Variants in SLC6A20 observed in about 807,000 individuals in gnomAD.
The protein encoded by SLC6A20 is sodium- and chloride-dependent transporter XTRP3.
In SLC6A20, 73 loss-of-function variants were observed where a neutral mutation model predicts 64.3. The ratio of observed to expected loss-of-function variants is 1.14; its 90% CI spans 0.94 to 1.38. SLC6A20 has a LOEUF of 1.38. Among genes scored for constraint, SLC6A20 ranks in the 40% most tolerant of loss-of-function variants. The pLI is 0.00. For synonymous variants in SLC6A20, 347 were observed against 329.6 expected (o/e 1.05, Z -0.57); for missense variants, 725 against 772.8 (o/e 0.94, Z 0.73).
intron 1 of SLC6A20, among the ~76,000 whole-genome samples, chr3:45,793,957 G>A (rs1700299945): frequency 6.6e-6 from 1 of 152,154 alleles, no homozygotes; most frequent in African/African-American, 2.4e-5. Context: ...CTAATACCTT[G>A]CTCATTCACT....
intron 8 of SLC6A20, among the ~76,000 whole-genome samples, chr3:45,764,227 T>C (rs1699731882): frequency 6.6e-6 from 1 of 152,178 alleles, no homozygotes; most frequent in African/African-American, 2.4e-5. Context: ...ATCTGAAATG[T>C]CCATCAACAG....
chr3:45,782,730 T>C (rs1271062335), intron 1 of SLC6A20, among the ~76,000 whole-genome samples: 2 of 152,212 alleles, frequency 1.3e-5, no homozygotes, highest in Non-Finnish European at 2.9e-5. Flanking sequence ...CATCCTTTCA[T>C]CTTTTTATCT....
In SLC6A20 at chr3:45,763,062, G is replaced by A; in HGVS notation, c.1314C>T (p.Cys438=). ...CCATGCCAATGGCACAGTTGACAAG[G>A]CACACCAGACCTGGGGGCCACAAGA... The part of the protein sequence containing the change: ...LPKEAISGLV[C]LVNCAIGMVF... The change falls in exon 9 of 11, where the codon TGC becomes TGT. Residue 438 remains cysteine, a synonymous_variant. Transcript: ENST00000358525. 6.2e-7 allele frequency: 1 copy of A among 1,614,030 alleles called. No homozygotes were observed. The highest frequency in any genetic ancestry group is 8.5e-7 in the Non-Finnish European group (1 of 1,180,030).
At chr3:45,772,478 G>T (rs939186852) in intron 5 of SLC6A20, 27 bp downstream of exon 5, 8 of 1,593,804 alleles carry the variant, frequency 5.0e-6, no homozygotes, top group Non-Finnish European at 6.9e-6. Flanking sequence ...AGGGGTGCCC[G>T]TAGGGCCCTT....
Position 45,775,873 on chromosome 3 carries a change from G to A in SLC6A20, c.470C>T (p.Ser157Leu), listed in dbSNP as rs764972934. Residue 157 changes from serine (S) to leucine (L), a missense_variant, in exon 4 of 11, where the codon TCG becomes TTG. By Grantham distance (145) the Ser-to-Leu change is moderately radical (BLOSUM62 -2). Coordinates refer to ENST00000358525, the MANE Select transcript of SLC6A20 (RefSeq NM_020208.4). ...YFWYRKTLNI[S>L]PSLQENGGVQ... ...ACCCCCGTTCTCCTGGAGGGACGGC[G>A]AGATATTGAGGGTTTTCCTGTACCA... The A allele has an allele frequency of 3.7e-6, 6 of 1,614,078 alleles. No homozygotes were observed. The highest frequency in any genetic ancestry group is 1.7e-5 in the Admixed American group (1 of 59,998).
rs185785604 is a variant in SLC6A20 at position 45,770,711 on chromosome 3, G to C, written c.936-340C>G. ...CTGAGCACTTAATGGTGGACACTGA[G>C]CAACTGATTGAAAGTAACAAGGGAA... On this transcript the variant is annotated intron_variant, in intron 6 of 10. Transcript: ENST00000358525. Among the ~76,000 whole-genome samples, 374 of 152,334 alleles carry C rather than the reference G, an allele frequency of 2.5e-3. 2 individuals are homozygous for C. Among genetic ancestry groups the C allele is most frequent in the African/African-American group, 8.5e-3 (352 of 41,578 alleles).
chr3:45,762,093 C>T (rs2191028), intron 9 of SLC6A20, among the ~76,000 whole-genome samples: 49,159 of 152,088 alleles, frequency 0.32, 8,235 homozygotes, highest in Middle Eastern at 0.41. Flanking sequence ...TGTGATGTGC[C>T]TCAGGCCCCC....
At chr3:45,794,921 A>G (rs1043576368) in intron 1 of SLC6A20, among the ~76,000 whole-genome samples, 3 of 152,188 alleles carry the variant, frequency 2.0e-5, no homozygotes, top group Non-Finnish European at 4.4e-5. Flanking sequence ...TTCAAATTTT[A>G]AAAAGGAATC....
Position 45,775,839 on chromosome 3 carries a change from C to T in SLC6A20, c.504G>A (p.Trp168Ter), listed in dbSNP as rs1450840710. The stretch of plus-strand genomic sequence containing the variant: ...CCAGGAGGAGGCACAGCGCCGGCTC[C>T]CACTGCACACCCCCGTTCTCCTGGA... ...PSLQENGGVQ[W>*]EPALCLLLAW... Residue 168 changes from tryptophan to a stop codon, truncating the protein, a stop_gained, in exon 4 of 11, where the codon TGG (tryptophan) becomes TGA (stop). Transcript: ENST00000358525. LOFTEE classifies it high-confidence loss of function. 1 of 1,614,088 alleles carries T rather than the reference C, an allele frequency of 6.2e-7. No individual in the cohort carries two copies.
intron 1 of SLC6A20, among the ~76,000 whole-genome samples, chr3:45,787,474 C>A (rs1575437157): frequency 6.6e-6 from 1 of 152,154 alleles, no homozygotes; most frequent in Admixed American, 6.5e-5. Flanking sequence ...TACTTGGTGT[C>A]TGCCTCTCTA....
At chr3:45,796,041 A>G (rs934863187) in intron 1 of SLC6A20, among the ~76,000 whole-genome samples, 8 of 152,090 alleles carry the variant, frequency 5.3e-5, no homozygotes, top group Non-Finnish European at 1.2e-4. Flanking sequence ...CTGGCCAACA[A>G]GGGTGAGGGT....
intron 3 of SLC6A20, among the ~76,000 whole-genome samples, chr3:45,777,770 A>G (rs955726541): frequency 6.6e-6 from 1 of 152,130 alleles, no homozygotes; most frequent in African/African-American, 2.4e-5. Flanking sequence ...CCCTTGGGCC[A>G]TTTACAGCCT....
Position 45,764,001 on chromosome 3 carries a change from G to A in SLC6A20, c.1304-929C>T, listed in dbSNP as rs942107921. Among the ~76,000 whole-genome samples, 8 of 152,338 alleles carry A rather than the reference G, an allele frequency of 5.3e-5. No individual in the cohort carries two copies. In the South Asian group the frequency reaches 1.7e-3, roughly 32 times the overall value. On this transcript the variant is annotated intron_variant, in intron 8 of 10. Transcript: ENST00000358525. ...GGTCTAAGTGCTGCAGCACTCTGAA[G>A]AGGTGGGGGCAACTCCAACTGGAGT...
chr3:45,780,045 G>A lies in SLC6A20; in HGVS notation c.318C>T (p.Asn106=), dbSNP rs145298212. ...GGAAGAGGTACCAGAAGGCCCAGGC[G>A]TTGATGACGTTGTAGTACATGGAGA... ...FFLSMYYNVI[N]AWAFWYLFHS... The change falls in exon 3 of 11, where the codon AAC becomes AAT. Residue 106 remains asparagine, a synonymous_variant. Transcript: ENST00000358525. 5.6e-5 allele frequency: 90 copies of A among 1,604,928 alleles called. No homozygotes were observed. Among genetic ancestry groups the A allele is most frequent in the African/African-American group, 2.9e-4 (22 of 74,790 alleles).
intron 6 of SLC6A20, among the ~76,000 whole-genome samples, 181 bp from the exon 7 acceptor site, chr3:45,770,552 C>T (rs1010275774): frequency 6.6e-6 from 1 of 152,130 alleles, no homozygotes; most frequent in Non-Finnish European, 1.5e-5. Context: ...ACAGTGATGA[C>T]AACAGGCACC....
chr3:45,759,235 T>C lies in SLC6A20; in HGVS notation c.1630-108A>G, dbSNP rs369904515. The C allele has an allele frequency of 5.4e-5, 66 of 1,218,430 alleles. No homozygotes were observed. The East Asian group carries it at 1.1e-3, about 20-fold the overall frequency. The allele number at this position is 1,218,430 out of a possible 1,614,324, so 75.5% of individuals were successfully genotyped here. ...TGATGTGACGTGGGCAGAGAGCATGTGGGGCCGGTGTCCTCACTCCTGGGG... is the reference window on the plus strand; with the variant it reads ...TGATGTGACGTGGGCAGAGAGCATGCGGGGCCGGTGTCCTCACTCCTGGGG... On this transcript the variant is annotated intron_variant, in intron 10 of 10. Transcript: ENST00000358525.
chr3:45,761,374 G>A (rs931108487), intron 9 of SLC6A20, among the ~76,000 whole-genome samples: 2 of 152,058 alleles, frequency 1.3e-5, no homozygotes, highest in African/African-American at 2.4e-5. Flanking sequence ...GTCCACCTAC[G>A]ACATCTCCAA....
intron 1 of SLC6A20, among the ~76,000 whole-genome samples, chr3:45,795,258 G>C (rs911028142): frequency 4.6e-5 from 7 of 152,108 alleles, no homozygotes; most frequent in African/African-American, 1.7e-4. Context: ...GTTTTAAAAT[G>C]TCAAATCCAT....
intron 1 of SLC6A20, among the ~76,000 whole-genome samples, chr3:45,795,912 A>G (rs762265263): frequency 1.3e-5 from 2 of 152,210 alleles, no homozygotes; most frequent in Admixed American, 6.5e-5. Flanking sequence ...TCTGTTGAAT[A>G]AGACAATTTC....
Sources: allele counts gnomAD v4.1 joint callset (sites outside exome capture counted in the v4.1 genomes callset), GRCh38; gene constraint gnomAD v4.1.1; transcripts MANE v1.5; gene names NCBI Gene and HGNC (gene_info 2026-07-23, HGNC 2026-07-21).